The following SORCS2 variants were observed in gnomAD, a reference collection of about 807,000 sequenced individuals.
SORCS2 encodes the protein sortilin related VPS10 domain containing receptor 2.
A neutral mutation model predicts 141.6 loss-of-function variants in SORCS2; 100 were observed. The observed-to-expected ratio is 0.71, with a 90% CI of 0.60 to 0.83. The LOEUF is 0.83. Among genes scored for constraint, SORCS2 ranks in the 40% least tolerant of loss-of-function variants. The pLI, the probability that SORCS2 is intolerant of heterozygous loss-of-function variation, is 0.00. For synonymous variants in SORCS2, 789 were observed against 676.9 expected, an observed-to-expected ratio of 1.17 and a Z score of -2.57; for missense variants, 1,646 against 1,560.2, an observed-to-expected ratio of 1.05 and a Z score of -0.93.
rs188781875 is a variant in SORCS2 at position 7,627,715 on chromosome 4, G to A, written c.649-10613G>A. On this transcript the variant is annotated intron_variant, in intron 3 of 26. Transcript: ENST00000507866. ...TAGGCAGTCTTAAGACCTTGGGCAG[G>A]CTGGAATGAAGGCGTGCCCTCGGTC... Among the ~76,000 whole-genome samples the A allele has an allele frequency of 1.5e-4, 23 of 151,784 alleles. No individual in the cohort carries two copies. The East Asian group carries it at 3.7e-3, about 25-fold the overall frequency.
intron 1 of SORCS2, among the ~76,000 whole-genome samples, chr4:7,348,153 A>G (rs1416885168): frequency 6.6e-6 from 1 of 152,244 alleles, no homozygotes. Context: ...GATGTGAGAC[A>G]GGTCATCTTG....
At chr4:7,622,345 C>T (rs1032511424) in intron 3 of SORCS2, among the ~76,000 whole-genome samples, 3 of 152,188 alleles carry the variant, frequency 2.0e-5, no homozygotes, top group Admixed American at 6.5e-5. Flanking sequence ...GCTCTGAAGC[C>T]TTTTATTCTG....
chr4:7,617,879 C>G (rs1331924205), intron 3 of SORCS2, among the ~76,000 whole-genome samples: 1 of 152,128 alleles, frequency 6.6e-6, no homozygotes, highest in African/African-American at 2.4e-5. Context: ...CGGTGCCGCC[C>G]CAGCTCTGCC....
At chr4:7,689,380 C>T (rs1196768969) in intron 10 of SORCS2, 106 bp from the exon 11 acceptor site, 3 of 1,047,056 alleles carry the variant, frequency 2.9e-6, no homozygotes, top group Non-Finnish European at 4.2e-6. Flanking sequence ...CCTGGCCCAG[C>T]CTTCTCTCCC....
At chr4:7,637,378 C>A (rs1051899298) in intron 3 of SORCS2, among the ~76,000 whole-genome samples, 8 of 152,204 alleles carry the variant, frequency 5.3e-5, no homozygotes, top group South Asian at 2.1e-4. Context: ...GTAGTGGGCC[C>A]CACCCCGTCA....
chr4:7,434,170 TGGTCAGCAG>T (rs1227090318), intron 2 of SORCS2: 8 of 1,613,786 alleles, frequency 5.0e-6, no homozygotes, highest in Non-Finnish European at 6.8e-6. Context: ...CCTCAGTGCT[TGGTCAGCAG>T]GGACAAAAAA....
At chr4:7,195,953 T>C (rs1727143610) in intron 1 of SORCS2, among the ~76,000 whole-genome samples, 1 of 152,226 alleles carries the variant, frequency 6.6e-6, no homozygotes, top group African/African-American at 2.4e-5. Flanking sequence ...CAGGTGTTCT[T>C]CAAAATTAAA....
rs369669053 is a variant in SORCS2, at chr4:7,579,556, C to G, written c.648+47927C>G. On this transcript the variant is annotated intron_variant, in intron 3 of 26. Transcript: ENST00000507866. ...CCTCCGACCTCCTTTGGCTGCTCTCCTGGATTCTACTCATCTTGTAGGGCC... is the reference window on the plus strand; with the variant it reads ...CCTCCGACCTCCTTTGGCTGCTCTCGTGGATTCTACTCATCTTGTAGGGCC... Among the ~76,000 whole-genome samples the G allele has an allele frequency of 1.8e-4, 27 of 152,304 alleles. 1 individual carries two copies. In the East Asian group the frequency reaches 2.7e-3, roughly 15 times the overall value.
At chr4:7,637,637 A>G (rs1720350683) in intron 3 of SORCS2, among the ~76,000 whole-genome samples, 1 of 152,174 alleles carries the variant, frequency 6.6e-6, no homozygotes, top group South Asian at 2.1e-4. Flanking sequence ...GTTTGGGAGG[A>G]AGCTGCCATT....
At chr4:7,316,307 A>C (rs772996168) in intron 1 of SORCS2, among the ~76,000 whole-genome samples, 2 of 152,246 alleles carry the variant, frequency 1.3e-5, no homozygotes, top group Middle Eastern at 6.8e-3. Context: ...AACAAACAAA[A>C]AAAATTTTTT....
intron 1 of SORCS2, among the ~76,000 whole-genome samples, chr4:7,303,612 G>A (rs1717590651): frequency 6.6e-6 from 1 of 152,222 alleles, no homozygotes; most frequent in African/African-American, 2.4e-5. Flanking sequence ...TTGGCACCCT[G>A]CAAACCATTC....
intron 3 of SORCS2, among the ~76,000 whole-genome samples, chr4:7,565,369 T>C (rs1158299348): frequency 6.6e-6 from 1 of 152,134 alleles, no homozygotes; most frequent in Non-Finnish European, 1.5e-5. Context: ...GGTGATATTG[T>C]GCTGATAGTA....
At chr4:7,304,173 C>T (rs1717631882) in intron 1 of SORCS2, among the ~76,000 whole-genome samples, 1 of 152,264 alleles carries the variant, frequency 6.6e-6, no homozygotes, top group African/African-American at 2.4e-5. Context: ...AACCCTGAGT[C>T]TTCGCTCTTT....
intron 3 of SORCS2, among the ~76,000 whole-genome samples, chr4:7,617,876 GCC>G (rs1302308375): frequency 6.6e-6 from 1 of 152,108 alleles, no homozygotes; most frequent in African/African-American, 2.4e-5. Context: ...TACCGGTGCC[GCC>G]CCAGCTCTGC....
chr4:7,620,608 C>T (rs1239612130), intron 3 of SORCS2, among the ~76,000 whole-genome samples: 1 of 152,264 alleles, frequency 6.6e-6, no homozygotes, highest in Admixed American at 6.5e-5. Flanking sequence ...GCCACAATGC[C>T]AGGCTCCAGG....
chr4:7,583,425 A>G (rs1462767441), intron 3 of SORCS2, among the ~76,000 whole-genome samples: 1 of 152,196 alleles, frequency 6.6e-6, no homozygotes. Context: ...CCACCTCGTA[A>G]TAATAAAGTA....
Position 7,341,246 on chromosome 4 carries a change from C to T in SORCS2, c.481-55042C>T, listed in dbSNP as rs151113580. On this transcript the variant is annotated intron_variant, in intron 1 of 26. Coordinates refer to ENST00000507866, the MANE Select transcript of SORCS2 (RefSeq NM_020777.3). ...GGGGAGCTGGTGAACCTTCTGCTCA[C>T]GCTGCTCTGTTCCAGCCCCTGGGCC... Among the ~76,000 whole-genome samples the T allele has an allele frequency of 9.5e-4, 144 of 152,330 alleles. 1 individual carries two copies. Among genetic ancestry groups the T allele is most frequent in the Non-Finnish European group, 1.5e-3 (103 of 68,028 alleles).
At position 7,641,777 on chromosome 4, in the gene SORCS2, AATGGATGGATGGATGG is replaced by A. The variant is rs56032853; in HGVS notation, c.813+3310_813+3325del. 6.8e-4 allele frequency among the ~76,000 whole-genome samples: 54 copies of A among 79,046 alleles called. No individual in the cohort carries two copies. In the Middle Eastern group the frequency reaches 0.021, roughly 31 times the overall value. 51.9% of individuals were successfully genotyped at this position (79,046 alleles called of 152,430 possible). Reference sequence around the variant, plus strand: ...TGTATAGATGATGGATGGATGGATAAATGGATGGATGGATGGATGGATGGATGGATGGATGGATGGG... The same window carrying A: ...TGTATAGATGATGGATGGATGGATAAATGGATGGATGGATGGATGGATGGG... On this transcript the variant is annotated intron_variant, in intron 4 of 26. Transcript: ENST00000507866.
At chr4:7,397,633 C>G (rs1443844463) in intron 2 of SORCS2, among the ~76,000 whole-genome samples, 2 of 152,188 alleles carry the variant, frequency 1.3e-5, no homozygotes, top group Admixed American at 6.5e-5. Context: ...TGTCTCGTTC[C>G]TCCGGTGCTG....
Sources: gnomAD v4.1 joint callset for allele counts (sites outside exome capture counted in the v4.1 genomes callset) on GRCh38, gnomAD v4.1.1 for gene constraint, MANE v1.5 for transcripts, NCBI Gene and HGNC (gene_info 2026-07-23, HGNC 2026-07-21) for gene names.